The following COL24A1 variants were observed in gnomAD, a reference collection of about 807,000 sequenced individuals.
COL24A1 encodes collagen alpha-1(XXIV) chain.
In COL24A1, 224 loss-of-function variants were observed where a neutral mutation model predicts 253.9. That is an observed-to-expected ratio of 0.88 (90% CI 0.79 to 0.99). The LOEUF (loss-of-function observed/expected upper bound fraction) is 0.99, where lower values mean the gene tolerates loss of function less well. COL24A1 is among the 50% of genes least tolerant of loss of function. The pLI is 0.00. For missense variants in COL24A1, 2,131 were observed against 2,068.5 expected, an observed-to-expected ratio of 1.03 and a Z score of -0.59; for synonymous variants, 685 against 673.7, an observed-to-expected ratio of 1.02 and a Z score of -0.26.
chr1:85,959,239 T>C (rs1344928849), intron 24 of COL24A1, among the ~76,000 whole-genome samples: 3 of 152,084 alleles, frequency 2.0e-5, no homozygotes, highest in Admixed American at 2.0e-4. Flanking sequence ...ATAAAAATAT[T>C]CTTTAGACAT....
At chr1:85,945,017 T>TTTTTTTTG (rs1689166277) in intron 24 of COL24A1, among the ~76,000 whole-genome samples, 3 of 92,744 alleles carry the variant, frequency 3.2e-5, no homozygotes, top group Admixed American at 1.3e-4. Flanking sequence ...TTTTTTTTTT[T>TTTTTTTTG]TTTTTTTTTT....
At chr1:85,745,917 C>G (rs1262676642) in intron 55 of COL24A1, among the ~76,000 whole-genome samples, 1 of 152,122 alleles carries the variant, frequency 6.6e-6, no homozygotes, top group African/African-American at 2.4e-5. Context: ...GAATAAAATA[C>G]TACTGTCCTG....
intron 19 of COL24A1, among the ~76,000 whole-genome samples, chr1:86,009,983 G>A (rs1696347297): frequency 6.6e-6 from 1 of 152,044 alleles, no homozygotes; most frequent in Non-Finnish European, 1.5e-5. Context: ...ATTGTTTAAC[G>A]AATGATTCTG....
At chr1:86,150,793 A>G (rs1289139145) in intron 1 of COL24A1, among the ~76,000 whole-genome samples, 1 of 152,160 alleles carries the variant, frequency 6.6e-6, no homozygotes, top group Non-Finnish European at 1.5e-5. Context: ...CATTTCCTCA[A>G]CAAATAAAAC....
intron 24 of COL24A1, among the ~76,000 whole-genome samples, chr1:85,933,021 G>T (rs1193879923): frequency 7.4e-6 from 1 of 135,038 alleles, no homozygotes; most frequent in Non-Finnish European, 1.6e-5. Context: ...GCACCAGCAT[G>T]GCACATGTAT....
At chr1:85,862,784 C>T (rs1679302193) in intron 37 of COL24A1, among the ~76,000 whole-genome samples, 1 of 152,196 alleles carries the variant, frequency 6.6e-6, no homozygotes, top group Non-Finnish European at 1.5e-5. Flanking sequence ...CCACTTAATG[C>T]TGACCCTAAA....
At chr1:85,895,837 A>G in intron 31 of COL24A1, 21 bp downstream of exon 31, 1 of 1,598,084 alleles carries the variant, frequency 6.3e-7, no homozygotes, top group Non-Finnish European at 8.5e-7. Flanking sequence ...TTTTCATAGC[A>G]TGATTTTTTA....
chr1:86,130,422 C>A (rs572437554), intron 2 of COL24A1, among the ~76,000 whole-genome samples: 1 of 151,886 alleles, frequency 6.6e-6, no homozygotes, highest in East Asian at 1.9e-4. Flanking sequence ...AAGTCTTTCA[C>A]TATGTAGTTT....
chr1:86,082,706 T>G (rs1237809060), intron 7 of COL24A1, among the ~76,000 whole-genome samples: 1 of 143,294 alleles, frequency 7.0e-6, no homozygotes. Context: ...ACAATTTACA[T>G]ATTTATATAA....
At chr1:85,734,525 A>T (rs758503305) in intron 59 of COL24A1, among the ~76,000 whole-genome samples, 1 of 152,212 alleles carries the variant, frequency 6.6e-6, no homozygotes. Context: ...CCTGTTTTGC[A>T]TGCAAAAATC....
chr1:86,056,000 C>G (rs1377549388), intron 10 of COL24A1, among the ~76,000 whole-genome samples: 1 of 151,828 alleles, frequency 6.6e-6, no homozygotes, highest in Non-Finnish European at 1.5e-5. Flanking sequence ...CGCCTGTAGT[C>G]CCAGCTACTC....
chr1:85,943,109 G>C (rs1298247309), intron 24 of COL24A1, among the ~76,000 whole-genome samples: 1 of 152,196 alleles, frequency 6.6e-6, no homozygotes, highest in Non-Finnish European at 1.5e-5. Context: ...GTTGCTCTCT[G>C]AGAGCTGGTA....
At chr1:86,150,290 T>C (rs375089467) in intron 1 of COL24A1, among the ~76,000 whole-genome samples, 4 of 152,202 alleles carry the variant, frequency 2.6e-5, no homozygotes, top group African/African-American at 9.6e-5. Flanking sequence ...TCCTACCTTT[T>C]ATGAAAGTAA....
intron 24 of COL24A1, among the ~76,000 whole-genome samples, chr1:85,925,764 C>T (rs938531026): frequency 1.3e-5 from 2 of 152,128 alleles, no homozygotes; most frequent in Non-Finnish European, 2.9e-5. Flanking sequence ...TAGGCATGGG[C>T]AAGGACTTCA....
chr1:85,963,108 C>T (rs1160657388), intron 23 of COL24A1, among the ~76,000 whole-genome samples: 1 of 151,956 alleles, frequency 6.6e-6, no homozygotes, highest in East Asian at 1.9e-4. Flanking sequence ...CTCATATTTG[C>T]AGTTCATGTT....
At chr1:85,974,563 T>C (rs1483031954) in intron 20 of COL24A1, among the ~76,000 whole-genome samples, 4 of 152,180 alleles carry the variant, frequency 2.6e-5, no homozygotes, top group Non-Finnish European at 5.9e-5. Context: ...AGTATATTTA[T>C]AGATGGTAAA....
chr1:85,850,638 A>G (rs898547444), intron 37 of COL24A1, among the ~76,000 whole-genome samples: 2 of 152,156 alleles, frequency 1.3e-5, no homozygotes, highest in Admixed American at 6.6e-5. Flanking sequence ...TGAGCTTTTA[A>G]AAGTCAGACT....
chr1:85,826,923 A>C (rs530658818), intron 43 of COL24A1, among the ~76,000 whole-genome samples: 7,668 of 151,652 alleles, frequency 0.051, 527 homozygotes, highest in African/African-American at 0.15. Context: ...TTATTTCCTT[A>C]TCCTGCCTAA....
At chr1:86,032,272 G>A (rs772855458) in intron 13 of COL24A1, among the ~76,000 whole-genome samples, 2 of 152,170 alleles carry the variant, frequency 1.3e-5, no homozygotes, top group Admixed American at 6.5e-5. Context: ...GAAAAGACAG[G>A]TGGTCAGCAC....
Sources: allele counts gnomAD v4.1 joint callset (sites outside exome capture counted in the v4.1 genomes callset), GRCh38; gene constraint gnomAD v4.1.1; transcripts MANE v1.5; gene names NCBI Gene and HGNC (gene_info 2026-07-23, HGNC 2026-07-21).